The following TMEM65 variants were observed in gnomAD, a reference collection of about 807,000 sequenced individuals.
TMEM65 encodes the protein transmembrane protein 65.
In TMEM65, 22 loss-of-function variants were observed where a neutral mutation model predicts 25.4. The observed-to-expected ratio is 0.86, with a 90% CI of 0.62 to 1.23. The LOEUF (loss-of-function observed/expected upper bound fraction) is 1.23. Ranked by LOEUF, TMEM65 falls within the 50% of genes most tolerant of loss-of-function variation. TMEM65 has a pLI of 0.00. For synonymous variants in TMEM65, 132 were observed against 126.2 expected, an observed-to-expected ratio of 1.05 and a Z score of -0.31; for missense variants, 262 against 308.2, an observed-to-expected ratio of 0.85 and a Z score of 1.12.
intron 1 of TMEM65, among the ~76,000 whole-genome samples, chr8:124,345,548 G>T (rs1268596511): frequency 1.3e-5 from 2 of 152,114 alleles, no homozygotes; most frequent in Non-Finnish European, 2.9e-5. Flanking sequence ...TTACAACAAT[G>T]GTGATGCTGT....
chr8:124,317,898 C>T (rs1411392654), intron 6 of TMEM65, among the ~76,000 whole-genome samples: 3 of 152,040 alleles, frequency 2.0e-5, no homozygotes, highest in South Asian at 2.1e-4. Flanking sequence ...ACCCGTAGAT[C>T]GGGGTGTCCA....
chr8:124,333,782 T>C (rs994137347), intron 1 of TMEM65, among the ~76,000 whole-genome samples: 3 of 152,210 alleles, frequency 2.0e-5, no homozygotes, highest in Non-Finnish European at 4.4e-5. Flanking sequence ...GTTAGTTACC[T>C]GTTTGTTGCA....
intron 1 of TMEM65, among the ~76,000 whole-genome samples, chr8:124,353,147 A>C (rs1814734932): frequency 6.6e-6 from 1 of 151,818 alleles, no homozygotes; most frequent in Non-Finnish European, 1.5e-5. Flanking sequence ...AAAAAAAAGA[A>C]CCAGTTGGTT....
intron 6 of TMEM65, among the ~76,000 whole-genome samples, chr8:124,315,011 T>A (rs536260184): frequency 6.6e-6 from 1 of 152,114 alleles, no homozygotes; most frequent in South Asian, 2.1e-4. Context: ...TTGTAAATGG[T>A]TTTCAAAATT....
rs1246063498 is a variant in TMEM65, at chr8:124,306,918, C to T, written c.*7042G>A. 1.3e-5 allele frequency: 2 copies of T among 151,434 alleles called. No individual in the cohort carries two copies. Among genetic ancestry groups the T allele is most frequent in the African/African-American group, 4.9e-5 (2 of 41,126 alleles). The allele number at this position is 151,434 out of a possible 1,614,324, so 9.4% of individuals were successfully genotyped here. On this transcript the variant is annotated 3_prime_UTR_variant, in exon 7 of 7. Coordinates refer to ENST00000297632, the MANE Select transcript of TMEM65 (RefSeq NM_194291.3). The stretch of plus-strand genomic sequence containing the variant: ...GAGCCGGCATGGTGCCACTGCACTC[C>T]AGCCTGGACAACAGAGCAAGACTCC...
At chr8:124,336,576 C>T (rs1337967336) in intron 1 of TMEM65, among the ~76,000 whole-genome samples, 1 of 151,842 alleles carries the variant, frequency 6.6e-6, no homozygotes, top group Non-Finnish European at 1.5e-5. Flanking sequence ...CTTCTAAATA[C>T]ATGGACCAAA....
At chr8:124,349,707 GTA>G (rs960624120) in intron 1 of TMEM65, among the ~76,000 whole-genome samples, 19 of 152,194 alleles carry the variant, frequency 1.2e-4, no homozygotes, top group African/African-American at 4.3e-4. Flanking sequence ...TTCAAGAGAT[GTA>G]CCACCTAAAC....
intron 1 of TMEM65, among the ~76,000 whole-genome samples, chr8:124,360,959 G>A (rs1278615218): frequency 2.6e-5 from 4 of 152,146 alleles, no homozygotes; most frequent in Admixed American, 1.3e-4. Flanking sequence ...TGAATTGTCA[G>A]TTATATATAA....
At chr8:124,336,479 T>A (rs1186975558) in intron 1 of TMEM65, among the ~76,000 whole-genome samples, 3 of 151,942 alleles carry the variant, frequency 2.0e-5, no homozygotes, top group Non-Finnish European at 4.4e-5. Flanking sequence ...GTTAATAAAT[T>A]TGATTAAAAT....
At chr8:124,324,207 A>C (rs537283884) in intron 3 of TMEM65, among the ~76,000 whole-genome samples, 12 of 152,248 alleles carry the variant, frequency 7.9e-5, no homozygotes, top group Admixed American at 2.6e-4. Flanking sequence ...AAAATGCTTC[A>C]AATCTCAATG....
chr8:124,320,730 C>T (rs1814294310), intron 5 of TMEM65, among the ~76,000 whole-genome samples: 1 of 152,114 alleles, frequency 6.6e-6, no homozygotes, highest in South Asian at 2.1e-4. Context: ...TTATTGGATA[C>T]ATCCTTACTT....
chr8:124,360,886 G>A (rs1315889104), intron 1 of TMEM65, among the ~76,000 whole-genome samples: 1 of 152,144 alleles, frequency 6.6e-6, no homozygotes, highest in Non-Finnish European at 1.5e-5. Context: ...GTGTCTATGT[G>A]TTAATATTTG....
chr8:124,370,714 T>G (rs1407620257), intron 1 of TMEM65, among the ~76,000 whole-genome samples: 2 of 152,180 alleles, frequency 1.3e-5, no homozygotes, highest in African/African-American at 4.8e-5. Context: ...TTACATGAGG[T>G]AGATAATTCT....
At chr8:124,362,952 T>C (rs931952955) in intron 1 of TMEM65, among the ~76,000 whole-genome samples, 5 of 152,128 alleles carry the variant, frequency 3.3e-5, no homozygotes, top group African/African-American at 9.7e-5. Context: ...GTGTGGAAAA[T>C]AGAGTCAATC....
At chr8:124,335,343 G>C (rs1252720090) in intron 1 of TMEM65, among the ~76,000 whole-genome samples, 1 of 152,122 alleles carries the variant, frequency 6.6e-6, no homozygotes, top group Non-Finnish European at 1.5e-5. Flanking sequence ...CTGCGATACA[G>C]AAAGTGCAAG....
At chr8:124,366,163 A>G (rs1046425779) in intron 1 of TMEM65, among the ~76,000 whole-genome samples, 2 of 152,250 alleles carry the variant, frequency 1.3e-5, no homozygotes, top group Non-Finnish European at 2.9e-5. Context: ...CAGAGGTTGC[A>G]GTGAGCCAAG....
intron 1 of TMEM65, among the ~76,000 whole-genome samples, chr8:124,346,265 A>G (rs1448053789): frequency 2.0e-5 from 3 of 152,134 alleles, no homozygotes; most frequent in Non-Finnish European, 4.4e-5. Context: ...CCATGATCCA[A>G]TCACTTCCTA....
chr8:124,322,398 A>G (rs1814314794), intron 4 of TMEM65, among the ~76,000 whole-genome samples: 1 of 152,216 alleles, frequency 6.6e-6, no homozygotes, highest in African/African-American at 2.4e-5. Flanking sequence ...TTTGGTTTCA[A>G]TATTAATTGT....
intron 1 of TMEM65, chr8:124,351,080 G>A (rs1017232036): frequency 1.0e-6 from 1 of 985,030 alleles, no homozygotes. Context: ...TCCTTCGCAA[G>A]CTTCACAATG....
Sources: gnomAD v4.1 joint callset for allele counts (sites outside exome capture counted in the v4.1 genomes callset) on GRCh38, gnomAD v4.1.1 for gene constraint, MANE v1.5 for transcripts, NCBI Gene and HGNC (gene_info 2026-07-23, HGNC 2026-07-21) for gene names.